Variants in MAP4K3 observed in about 807,000 individuals in gnomAD.
The protein encoded by MAP4K3 is MAPK/ERK kinase kinase kinase 3.
In MAP4K3, 94 loss-of-function variants were observed where a neutral mutation model predicts 143.5. That is an observed-to-expected ratio of 0.65 (90% CI 0.55 to 0.78). The LOEUF is 0.78. Ranked by LOEUF, MAP4K3 falls within the 30% of genes least tolerant of loss-of-function variation. The pLI, the probability that MAP4K3 is intolerant of heterozygous loss-of-function variation, is 0.00. For missense variants in MAP4K3, 1,077 were observed against 1,068.1 expected, an observed-to-expected ratio of 1.01 and a Z score of -0.12; for synonymous variants, 416 against 347.2, an observed-to-expected ratio of 1.20 and a Z score of -2.20.
chr2:39,348,266 A>G (rs1263936149), intron 3 of MAP4K3, among the ~76,000 whole-genome samples: 1 of 151,930 alleles, frequency 6.6e-6, no homozygotes, highest in East Asian at 1.9e-4. Context: ...AAGTTGGTCT[A>G]TTCTCTTTTC....
chr2:39,289,614 A>T (rs999221611), intron 19 of MAP4K3, among the ~76,000 whole-genome samples: 1 of 152,250 alleles, frequency 6.6e-6, no homozygotes, highest in Non-Finnish European at 1.5e-5. Flanking sequence ...TGAAAATTAA[A>T]TATCTATGAT....
chr2:39,435,462 G>T (rs528538594), intron 1 of MAP4K3, among the ~76,000 whole-genome samples: 1 of 152,164 alleles, frequency 6.6e-6, no homozygotes, highest in East Asian at 1.9e-4. Flanking sequence ...CCTATCTGGC[G>T]TAATCCCCTC....
intron 13 of MAP4K3, among the ~76,000 whole-genome samples, chr2:39,315,044 G>A (rs534552008): frequency 6.6e-6 from 1 of 152,088 alleles, no homozygotes; most frequent in African/African-American, 2.4e-5. Context: ...AGGCATTTAC[G>A]GCACTGCCTT....
rs1194972446 is a variant in MAP4K3 at position 39,411,166 on chromosome 2, T to A, written c.96+25726A>T. On this transcript the variant is annotated intron_variant, in intron 1 of 33. Coordinates refer to ENST00000263881, the MANE Select transcript of MAP4K3 (RefSeq NM_003618.4). ...GAGGACTGGGAAATGGATATTTACA[T>A]CAGAGAAATGTTTTCTTCTTGGCGT... Among the ~76,000 whole-genome samples, 3 of 152,248 alleles carry A rather than the reference T, an allele frequency of 2.0e-5. No individual in the cohort carries two copies. The East Asian group carries it at 5.8e-4, about 29-fold the overall frequency.
chr2:39,426,911 A>C (rs1019051646), intron 1 of MAP4K3, among the ~76,000 whole-genome samples: 9 of 152,220 alleles, frequency 5.9e-5, no homozygotes, highest in African/African-American at 2.2e-4. Flanking sequence ...TAGGGGAAGA[A>C]AGGTATCAAA....
Position 39,263,526 on chromosome 2 carries a change from G to A in MAP4K3, c.2136+1677C>T, listed in dbSNP as rs531174335. 6.9e-3 allele frequency among the ~76,000 whole-genome samples: 1,033 copies of A among 150,800 alleles called. 12 individuals are homozygous for A. The highest frequency in any genetic ancestry group is 0.024 in the African/African-American group (982 of 41,066). On this transcript the variant is annotated intron_variant, in intron 28 of 33. Coordinates refer to ENST00000263881, the MANE Select transcript of MAP4K3 (RefSeq NM_003618.4). ...GATCTCCTGACCTCGTGATCCGCCC[G>A]CCTCGGCCTCCCAAAGTGCTGGGAT...
At position 39,249,798 on chromosome 2, in the gene MAP4K3, T is replaced by C. The variant is rs982292608; in HGVS notation, c.*820A>G. 6.6e-6 allele frequency: 1 copy of C among 152,642 alleles called. No individual in the cohort carries two copies. The highest frequency in any genetic ancestry group is 2.4e-5 in the African/African-American group (1 of 41,466). The allele number at this position is 152,642 out of a possible 1,614,324, so 9.5% of individuals were successfully genotyped here. ...TGACCACAATTGCAGTATTCTATCA[T>C]GGTACCGCTATTCTGTGATTCAAAA... On this transcript the variant is annotated 3_prime_UTR_variant, in exon 34 of 34. Transcript: ENST00000263881.
intron 6 of MAP4K3, among the ~76,000 whole-genome samples, chr2:39,335,394 G>A (rs72925287): frequency 0.02 from 3,025 of 152,202 alleles, 95 homozygotes; most frequent in African/African-American, 0.07. Context: ...AGAAATGGTG[G>A]CGATGACCCA....
At chr2:39,313,753 T>C (rs1156269425) in intron 13 of MAP4K3, among the ~76,000 whole-genome samples, 1 of 152,174 alleles carries the variant, frequency 6.6e-6, no homozygotes, top group Non-Finnish European at 1.5e-5. Context: ...CCTCAAGTGA[T>C]CCACCCGCCT....
intron 2 of MAP4K3, among the ~76,000 whole-genome samples, chr2:39,358,293 A>G (rs1665668243): frequency 6.6e-6 from 1 of 152,210 alleles, no homozygotes; most frequent in East Asian, 1.9e-4. Context: ...CCTCTAGGAT[A>G]GCATTATGTC....
intron 1 of MAP4K3, among the ~76,000 whole-genome samples, chr2:39,427,428 G>C (rs1477780526): frequency 6.6e-6 from 1 of 151,990 alleles, no homozygotes; most frequent in African/African-American, 2.4e-5. Context: ...CAAAGAAATT[G>C]AAAACTCCTA....
intron 1 of MAP4K3, among the ~76,000 whole-genome samples, chr2:39,413,165 A>T (rs188865587): frequency 6.6e-6 from 1 of 152,368 alleles, no homozygotes; most frequent in East Asian, 1.9e-4. Flanking sequence ...TTCATGCAGT[A>T]AAAGTTAGAG....
rs369025803 is a variant in MAP4K3 at position 39,402,815 on chromosome 2, G to GA, written c.97-24693dup. On this transcript the variant is annotated intron_variant, in intron 1 of 33. Transcript: ENST00000263881. ...AGACAGGCCAAAAAGAAAAAAGAAA[G>GA]AAAAAAAAAAGGGAGAAGACACAAA... Among the ~76,000 whole-genome samples, 647 of 137,748 alleles carry GA rather than the reference G, an allele frequency of 4.7e-3. 5 individuals are homozygous for GA. Among genetic ancestry groups the GA allele is most frequent in the African/African-American group, 0.015 (560 of 37,386 alleles). 90.4% of individuals were successfully genotyped at this position (137,748 alleles called of 152,430 possible).
At chr2:39,395,044 G>C (rs902150350) in intron 1 of MAP4K3, among the ~76,000 whole-genome samples, 8 of 152,026 alleles carry the variant, frequency 5.3e-5, no homozygotes, top group Admixed American at 3.9e-4. Context: ...TTTAAGACCA[G>C]ATAAAATACT....
intron 4 of MAP4K3, among the ~76,000 whole-genome samples, chr2:39,342,274 G>C (rs2148534307): frequency 6.6e-6 from 1 of 152,158 alleles, no homozygotes; most frequent in East Asian, 1.9e-4. Context: ...GAGTAGCTAG[G>C]ATTACAAGCA....
intron 3 of MAP4K3, among the ~76,000 whole-genome samples, chr2:39,355,575 C>A (rs1183370552): frequency 1.3e-5 from 2 of 152,014 alleles, no homozygotes; most frequent in Non-Finnish European, 2.9e-5. Flanking sequence ...AAAATATTCT[C>A]TAATCTTCCC....
chr2:39,421,124 G>C (rs1471354300), intron 1 of MAP4K3, among the ~76,000 whole-genome samples: 1 of 152,172 alleles, frequency 6.6e-6, no homozygotes, highest in East Asian at 1.9e-4. Context: ...GGACTAAGAA[G>C]TGGTCCCTGC....
At chr2:39,342,105 C>CTAG (rs1404473627) in intron 4 of MAP4K3, among the ~76,000 whole-genome samples, 4 of 136,318 alleles carry the variant, frequency 2.9e-5, no homozygotes, top group South Asian at 4.7e-4. Flanking sequence ...CTTTGTCTTT[C>CTAG]TAGTATTATT....
chr2:39,342,477 T>C (rs1665171946), intron 4 of MAP4K3, among the ~76,000 whole-genome samples: 1 of 152,200 alleles, frequency 6.6e-6, no homozygotes, highest in Admixed American at 6.5e-5. Flanking sequence ...TAAAGACCAA[T>C]GTAAGTAGCT....
Sources: gnomAD v4.1 joint callset for allele counts (sites outside exome capture counted in the v4.1 genomes callset) on GRCh38, gnomAD v4.1.1 for gene constraint, MANE v1.5 for transcripts, NCBI Gene and HGNC (gene_info 2026-07-23, HGNC 2026-07-21) for gene names.